The following USP8 variants were observed in gnomAD, a reference collection of about 807,000 sequenced individuals.
The protein encoded by USP8 is ubiquitin specific peptidase 8, also known as ubiquitin carboxyl-terminal hydrolase 8.
Under a neutral mutation model 130.0 loss-of-function variants are expected in USP8, and 27 were observed. That is an observed-to-expected ratio of 0.21 (90% CI 0.15 to 0.29). USP8 has a LOEUF of 0.29. Ranked by LOEUF, USP8 falls within the 10% of genes least tolerant of loss-of-function variation. The pLI, the probability that USP8 is intolerant of heterozygous loss-of-function variation, is 1.00. For missense variants in USP8, 1,029 were observed against 1,312.2 expected (o/e 0.78, Z 3.33); for synonymous variants, 392 against 444.1 (o/e 0.88, Z 1.48).
chr15:50,477,543 T>C (rs1471022808), intron 10 of USP8, 44 bp downstream of exon 10: 1 of 1,545,230 alleles, frequency 6.5e-7, no homozygotes, highest in African/African-American at 1.4e-5. Context: ...TGTTTTAATA[T>C]TAAATATATA....
Position 50,456,041 on chromosome 15 carries a change from A to G in USP8, c.336-2959A>G, listed in dbSNP as rs374474566. 1.4e-4 allele frequency among the ~76,000 whole-genome samples: 21 copies of G among 152,310 alleles called. No individual in the cohort carries two copies. The East Asian group carries it at 2.7e-3, about 20-fold the overall frequency. Reference sequence around the variant, plus strand: ...TCTTCCTGATTATGGCAGTTTTCCAATGCCTTCAGGTAGTTATAGGTTACC... The same window carrying G: ...TCTTCCTGATTATGGCAGTTTTCCAGTGCCTTCAGGTAGTTATAGGTTACC... On this transcript the variant is annotated intron_variant, in intron 4 of 19. Coordinates refer to ENST00000307179, the MANE Select transcript of USP8 (RefSeq NM_005154.5).
At position 50,425,359 on chromosome 15, in the gene USP8, G is replaced by C. The variant is rs532770694; in HGVS notation, c.-66+845G>C. Among the ~76,000 whole-genome samples, 41 of 152,328 alleles carry C rather than the reference G, an allele frequency of 2.7e-4. 1 individual carries two copies. The South Asian group carries it at 8.3e-3, about 31-fold the overall frequency. On this transcript the variant is annotated intron_variant, in intron 1 of 19. Coordinates refer to ENST00000307179, the MANE Select transcript of USP8 (RefSeq NM_005154.5). ...ATATCTTGCTGCAGCCATTAAAAAT[G>C]CCAAGTGGTATTTGTTAAGGAAGTA...
intron 4 of USP8, among the ~76,000 whole-genome samples, chr15:50,455,709 C>G (rs1444729545): frequency 6.6e-6 from 1 of 152,114 alleles, no homozygotes; most frequent in Non-Finnish European, 1.5e-5. Context: ...AGGCAGTTAA[C>G]TTGGCTATAC....
chr15:50,486,198 GA>G (rs2051955169), intron 12 of USP8, among the ~76,000 whole-genome samples: 2 of 151,964 alleles, frequency 1.3e-5, no homozygotes, highest in Non-Finnish European at 2.9e-5. Flanking sequence ...GAAAGAGGGG[GA>G]AAAAAGGGTA....
chr15:50,490,215 G>T (rs2141316955), intron 13 of USP8, 48 bp from the exon 14 acceptor site: 3 of 1,537,954 alleles, frequency 2.0e-6, no homozygotes, highest in Non-Finnish European at 2.6e-6. Context: ...TTTATATAAT[G>T]CTTATTTTTG....
At position 50,492,044 on chromosome 15, in the gene USP8, TAG is replaced by T. The variant is rs554210929; in HGVS notation, c.2235-653_2235-652del. Among the ~76,000 whole-genome samples, 538 of 152,224 alleles carry T rather than the reference TAG, an allele frequency of 3.5e-3. 4 individuals are homozygous for T. Among genetic ancestry groups the T allele is most frequent in the African/African-American group, 0.012 (509 of 41,514 alleles). Reference sequence around the variant, plus strand: ...GCCCAGCTACTTTTTGTATTTTTAGTAGAGACGGGGTTTCACCATGTTGGCCA... The same window carrying T: ...GCCCAGCTACTTTTTGTATTTTTAGTAGACGGGGTTTCACCATGTTGGCCA... On this transcript the variant is annotated intron_variant, in intron 14 of 19. Coordinates refer to ENST00000307179, the MANE Select transcript of USP8 (RefSeq NM_005154.5).
In USP8 at chr15:50,477,621, C is replaced by T. The variant is rs1595961065; in HGVS notation, c.1218+122C>T. 1.0e-5 allele frequency: 9 copies of T among 887,738 alleles called. No individual in the cohort carries two copies. The Middle Eastern group carries it at 1.4e-3, about 143-fold the overall frequency. The allele number at this position is 887,738 out of a possible 1,614,324, so 55.0% of individuals were successfully genotyped here. A position where few individuals can be genotyped will look rare whatever the true frequency, so the allele number is the denominator to read the frequency against. On this transcript the variant is annotated intron_variant, in intron 10 of 19. Transcript: ENST00000307179. ...TTGGGAGGCTGAGAGGGGCAGATCA[C>T]CTGAGGTCAGGAGTTTGAGACCAAC... is the stretch of plus-strand genomic sequence containing the variant.
chr15:50,471,896 T>A, intron 8 of USP8, 101 bp downstream of exon 8: 39 of 1,165,796 alleles, frequency 3.3e-5, no homozygotes, highest in Middle Eastern at 2.5e-4. Context: ...AAAAGATTCA[T>A]CATGCCTTTT....
chr15:50,497,115 A>G lies in USP8; in HGVS notation c.2922A>G (p.Glu974=), dbSNP rs1333383451. Residue 974 remains glutamate (E), a synonymous_variant, in exon 18 of 20, where the codon GAA becomes GAG. Coordinates refer to ENST00000307179, the MANE Select transcript of USP8 (RefSeq NM_005154.5). ...ATTGCCTTAGATTATTTTCCAAAGA[A>G]GAAAAACTCACAGATAACAACAGAT... ...LQDCLRLFSK[E]EKLTDNNRFY... The G allele has an allele frequency of 1.9e-6, 3 of 1,605,596 alleles. No individual in the cohort carries two copies. Among genetic ancestry groups the G allele is most frequent in the Non-Finnish European group, 2.5e-6 (3 of 1,177,318 alleles).
chr15:50,462,433 T>G, intron 6 of USP8, 111 bp downstream of exon 6: 30 of 899,460 alleles, frequency 3.3e-5, no homozygotes, highest in Non-Finnish European at 4.6e-5. Flanking sequence ...GTCTAATCTC[T>G]ATGTAAGCTT....
In USP8 at chr15:50,478,898, T is replaced by C. The variant is rs1157605228; in HGVS notation, c.1218+1399T>C. ...GGTGAAACCCCATCTCTACTGAAAA[T>C]ACCAAAATTAGCCAGGCGTGGTGGT... On this transcript the variant is annotated intron_variant, in intron 10 of 19. Transcript: ENST00000307179. Among the ~76,000 whole-genome samples the C allele has an allele frequency of 5.3e-5, 8 of 151,496 alleles. No individual in the cohort carries two copies. The East Asian group carries it at 1.6e-3, about 29-fold the overall frequency.
At chr15:50,485,735 T>A (rs2051940499) in intron 12 of USP8, among the ~76,000 whole-genome samples, 1 of 151,912 alleles carries the variant, frequency 6.6e-6, no homozygotes, top group Non-Finnish European at 1.5e-5. Flanking sequence ...CTGGGATATA[T>A]ATACAGTCTT....
intron 15 of USP8, chr15:50,493,132 A>G (rs895694049): frequency 4.8e-6 from 3 of 627,170 alleles, no homozygotes; most frequent in Non-Finnish European, 8.8e-6. Flanking sequence ...CACAGGGTAG[A>G]AGGTGGAAGC....
rs1443758259 is a variant in USP8, at chr15:50,511,468, C to A, written c.*12380C>A. 1 of 152,076 alleles carries A rather than the reference C, an allele frequency of 6.6e-6. No individual in the cohort carries two copies. The highest frequency in any genetic ancestry group is 1.9e-4 in the East Asian group (1 of 5,190). 9.4% of individuals were successfully genotyped at this position (152,076 alleles called of 1,614,324 possible). A position where few individuals can be genotyped will look rare whatever the true frequency, so the allele number is the denominator to read the frequency against. On this transcript the variant is annotated 3_prime_UTR_variant, in exon 20 of 20. Transcript: ENST00000307179. ...AAACATGTTTACAGAAAATCCTGTACATAAATGTTCATAGCAGCATTACTG... is the reference window on the plus strand; with the variant it reads ...AAACATGTTTACAGAAAATCCTGTAAATAAATGTTCATAGCAGCATTACTG...
At chr15:50,424,864 C>A (rs1244306250) in intron 1 of USP8, among the ~76,000 whole-genome samples, 1 of 151,410 alleles carries the variant, frequency 6.6e-6, no homozygotes, top group African/African-American at 2.4e-5. Context: ...CAATCCCAGG[C>A]CTTACTGTAG....
intron 4 of USP8, among the ~76,000 whole-genome samples, chr15:50,451,222 A>G (rs996057360): frequency 1.3e-5 from 2 of 152,186 alleles, no homozygotes; most frequent in African/African-American, 4.8e-5. Flanking sequence ...AGCCTGGCCA[A>G]CATGGTAAAG....
chr15:50,492,692 C>T lies in USP8; in HGVS notation c.2235-9C>T, dbSNP rs374691987. 7.6e-5 allele frequency: 122 copies of T among 1,608,412 alleles called. 1 individual carries two copies. In the South Asian group the frequency reaches 1.0e-3, roughly 13 times the overall value. On this transcript the variant is annotated splice_polypyrimidine_tract_variant and intron_variant, in intron 14 of 19. Transcript: ENST00000307179. Reference sequence around the variant, plus strand: ...TTTTAAGACATCTTGTATCCTTTTTCTTCCTCAGGCCAACATGTTATCCTA... The same window carrying T: ...TTTTAAGACATCTTGTATCCTTTTTTTTCCTCAGGCCAACATGTTATCCTA...
rs560880651 is a variant in USP8, at chr15:50,461,714, G to A, written c.499-566G>A. 3.9e-5 allele frequency among the ~76,000 whole-genome samples: 6 copies of A among 151,906 alleles called. No homozygotes were observed. In the East Asian group the frequency reaches 7.8e-4, roughly 20 times the overall value. On this transcript the variant is annotated intron_variant, in intron 5 of 19. Coordinates refer to ENST00000307179, the MANE Select transcript of USP8 (RefSeq NM_005154.5). ...CTAAAAATACAAAAATTAGCTGGGC[G>A]TGGTAGCACACGCCTGTAATCCCAG... is the stretch of plus-strand genomic sequence containing the variant.
At chr15:50,465,494 C>G (rs1423231321) in intron 7 of USP8, among the ~76,000 whole-genome samples, 1 of 151,986 alleles carries the variant, frequency 6.6e-6, no homozygotes, top group Non-Finnish European at 1.5e-5. Context: ...CACACTCCAC[C>G]CTTTTTGAAG....
Sources: gnomAD v4.1 joint callset for allele counts (sites outside exome capture counted in the v4.1 genomes callset) on GRCh38, gnomAD v4.1.1 for gene constraint, MANE v1.5 for transcripts, NCBI Gene and HGNC (gene_info 2026-07-23, HGNC 2026-07-21) for gene names.